TBC1D31: variants seen among roughly 807,000 people sequenced by gnomAD.
TBC1D31 encodes the protein WD repeat domain 67.
A neutral mutation model predicts 132.9 loss-of-function variants in TBC1D31; 99 were observed. That is an observed-to-expected ratio of 0.74 (90% confidence interval 0.63 to 0.88). The LOEUF (loss-of-function observed/expected upper bound fraction) is 0.88, where lower values mean the gene tolerates loss of function less well. TBC1D31 is among the 40% of genes least tolerant of loss of function. The pLI is 0.00. For missense variants in TBC1D31, 1,134 were observed against 1,256.6 expected (o/e 0.90, Z 1.48); for synonymous variants, 385 against 419.4 (o/e 0.92, Z 1.00).
the TBC1D31 span, among the ~76,000 whole-genome samples, chr8:123,164,198 G>A: frequency 6.6e-6 from 1 of 152,100 alleles, no homozygotes; most frequent in African/African-American, 2.4e-5. Context: ...ATTCTCCTTG[G>A]ACCAGCCATT....
At chr8:123,083,165 G>A (rs62520600) in intron 3 of TBC1D31, 21,943 of 176,264 alleles carry the variant, frequency 0.12, 1,549 homozygotes, top group African/African-American at 0.16. Flanking sequence ...CAAAAGGGAA[G>A]CCTCCATTGT....
At position 123,131,674 on chromosome 8, in the gene TBC1D31, G is replaced by T. The variant is rs1820646162; in HGVS notation, c.2406+1341G>T. On this transcript the variant is annotated intron_variant, in intron 16 of 21. Coordinates refer to ENST00000287380, the MANE Select transcript of TBC1D31 (RefSeq NM_145647.4). ...GCAAATTACAAAACCATGCTACATT[G>T]TAAAAGTCTTTGAGTACTTGCACAC... Among the ~76,000 whole-genome samples, 3 of 152,108 alleles carry T rather than the reference G, an allele frequency of 2.0e-5. No individual in the cohort carries two copies. In the South Asian group the frequency reaches 6.2e-4, roughly 31 times the overall value.
chr8:123,082,847 G>A (rs1385229086), intron 3 of TBC1D31, 30 bp downstream of exon 3: 4 of 1,495,044 alleles, frequency 2.7e-6, no homozygotes, highest in African/African-American at 1.4e-5. Flanking sequence ...TTCTTTTGAA[G>A]CAGAGTAAAA....
intron 2 of TBC1D31, 68 bp downstream of exon 2, chr8:123,077,325 G>C: frequency 7.2e-7 from 1 of 1,395,254 alleles, no homozygotes; most frequent in Non-Finnish European, 9.7e-7. Flanking sequence ...TTTCGTACCT[G>C]CTATTCATTA....
At chr8:123,147,662 AAC>A (rs1822350971) in intron 20 of TBC1D31, among the ~76,000 whole-genome samples, 1 of 152,148 alleles carries the variant, frequency 6.6e-6, no homozygotes. Context: ...TATGTTTTTT[AAC>A]CTTGCTGAAT....
chr8:123,157,046 G>A (rs1159074620), downstream of TBC1D31, among the ~76,000 whole-genome samples: 2 of 152,240 alleles, frequency 1.3e-5, no homozygotes, highest in Admixed American at 6.5e-5. Context: ...CCTTACACGT[G>A]CTCTTTCCTG....
intron 2 of TBC1D31, among the ~76,000 whole-genome samples, 162 bp downstream of exon 2, chr8:123,077,419 GA>G (rs34239897): frequency 6.6e-6 from 1 of 151,578 alleles, no homozygotes; most frequent in East Asian, 1.9e-4. Context: ...ACGAAAGTGG[GA>G]AAAAACAGAA....
At chr8:123,085,967 C>T (rs1310381524) in intron 4 of TBC1D31, among the ~76,000 whole-genome samples, 2 of 152,158 alleles carry the variant, frequency 1.3e-5, no homozygotes, top group African/African-American at 2.4e-5. Flanking sequence ...TCTGGGCTTC[C>T]GTTTCCTGAG....
At chr8:123,153,005 CA>C (rs1366585354), downstream of TBC1D31, among the ~76,000 whole-genome samples, 9 of 152,190 alleles carry the variant, frequency 5.9e-5, no homozygotes, top group Admixed American at 4.6e-4. Context: ...ATATTTTCAG[CA>C]AAGTGCTCTC....
intron 17 of TBC1D31, among the ~76,000 whole-genome samples, chr8:123,136,125 C>A (rs1303425367): frequency 6.6e-6 from 1 of 152,262 alleles, no homozygotes; most frequent in South Asian, 2.1e-4. Flanking sequence ...TATATAACCA[C>A]CGTACAGTTC....
At position 123,093,554 on chromosome 8, in the gene TBC1D31, C is replaced by A. The variant is rs755720301; in HGVS notation, c.520-37C>A. ...TTTAAATTTAAAGTCTCTATGTGAA[C>A]CTTATGTGAAAACTAACTTTCTCTA... On this transcript the variant is annotated intron_variant, in intron 4 of 21. Transcript: ENST00000287380. 5.4e-6 allele frequency: 8 copies of A among 1,483,116 alleles called. No homozygotes were observed. The South Asian group carries it at 9.3e-5, about 17-fold the overall frequency. 91.9% of individuals were successfully genotyped at this position (1,483,116 alleles called of 1,614,324 possible).
chr8:123,121,023 T>C (rs917421303), intron 11 of TBC1D31, among the ~76,000 whole-genome samples: 3 of 149,602 alleles, frequency 2.0e-5, no homozygotes, highest in Admixed American at 6.7e-5. Flanking sequence ...AGTGCAGTAG[T>C]GCTCACTGCA....
intron 11 of TBC1D31, among the ~76,000 whole-genome samples, chr8:123,122,036 T>C (rs1166910882): frequency 3.3e-5 from 5 of 152,214 alleles, no homozygotes; most frequent in African/African-American, 1.2e-4. Flanking sequence ...TTAACAATGT[T>C]ATATACATGT....
At chr8:123,130,055 C>T (rs936052781) in intron 15 of TBC1D31, 143 bp from the exon 16 acceptor site, 25 of 785,528 alleles carry the variant, frequency 3.2e-5, no homozygotes, top group East Asian at 2.3e-4. Flanking sequence ...TCTTTGGTAA[C>T]GGTGGAGCAG....
intron 17 of TBC1D31, among the ~76,000 whole-genome samples, chr8:123,139,473 G>GAACAGCAA (rs2130887440): frequency 6.6e-6 from 1 of 152,312 alleles, no homozygotes; most frequent in Admixed American, 6.5e-5. Context: ...GTCAGCAAAT[G>GAACAGCAA]ATTGAACAGA....
chr8:123,081,671 C>G (rs143536611), intron 2 of TBC1D31, among the ~76,000 whole-genome samples: 4 of 152,218 alleles, frequency 2.6e-5, no homozygotes, highest in African/African-American at 9.6e-5. Flanking sequence ...TTAATGGACT[C>G]TCTGTTCCAT....
intron 10 of TBC1D31, among the ~76,000 whole-genome samples, chr8:123,115,181 A>T (rs1160276611): frequency 6.6e-6 from 1 of 152,228 alleles, no homozygotes; most frequent in African/African-American, 2.4e-5. Flanking sequence ...TGCCAGTGTT[A>T]CTGTGTTTTC....
chr8:123,159,579 G>A, the TBC1D31 span, among the ~76,000 whole-genome samples: 2 of 152,192 alleles, frequency 1.3e-5, no homozygotes, highest in South Asian at 4.1e-4. Flanking sequence ...ACCACCTGAG[G>A]TCGAGAGTTC....
At position 123,078,003 on chromosome 8, in the gene TBC1D31, G is replaced by A. The variant is rs555438159; in HGVS notation, c.224+746G>A. Among the ~76,000 whole-genome samples, 19 of 151,894 alleles carry A rather than the reference G, an allele frequency of 1.3e-4. No individual in the cohort carries two copies. The South Asian group carries it at 3.3e-3, about 27-fold the overall frequency. On this transcript the variant is annotated intron_variant, in intron 2 of 21. Transcript: ENST00000287380. ...GTGGAGGTTTCAGTGAGCCGAGATC[G>A]TGCCACTGCCACTGCACTCTAGCCT...
Sources: allele counts gnomAD v4.1 joint callset (sites outside exome capture counted in the v4.1 genomes callset), GRCh38; gene constraint gnomAD v4.1.1; transcripts MANE v1.5; gene names NCBI Gene and HGNC (gene_info 2026-07-23, HGNC 2026-07-21).